The following ZNF442 variants were observed in gnomAD, a reference collection of about 807,000 sequenced individuals.
ZNF442 encodes zinc finger protein 442.
A neutral mutation model predicts 57.0 loss-of-function variants in ZNF442; 45 were observed. The observed-to-expected ratio is 0.79, with a 90% CI of 0.62 to 1.01. The LOEUF is 1.01. ZNF442 is among the 50% of genes least tolerant of loss of function. The probability of loss-of-function intolerance (pLI) is 0.00; values close to 1 mark genes in which losing one functional copy is unlikely to be tolerated. For synonymous variants in ZNF442, 213 were observed against 241.8 expected (o/e 0.88, Z 1.10); for missense variants, 690 against 756.5 (o/e 0.91, Z 1.03).
At chr19:12,353,290 G>A (rs1270499345) in intron 3 of ZNF442, among the ~76,000 whole-genome samples, 176 bp from the exon 4 acceptor site, 1 of 152,210 alleles carries the variant, frequency 6.6e-6, no homozygotes, top group African/African-American at 2.4e-5. Context: ...TCTGATGCTA[G>A]AATTGAATGT....
chr19:12,352,753 T>C (rs1969263637), intron 4 of ZNF442, among the ~76,000 whole-genome samples: 1 of 152,220 alleles, frequency 6.6e-6, no homozygotes, highest in African/African-American at 2.4e-5. Context: ...ACAACATATG[T>C]GTTAATTGAT....
At position 12,346,574 on chromosome 19, in the gene ZNF442, A is replaced by G. The variant is rs1969133541; in HGVS notation, c.*3127T>C. On this transcript the variant is annotated 3_prime_UTR_variant, in exon 6 of 6. Transcript: ENST00000242804. Reference sequence around the variant, plus strand: ...ACACCAATTATTCTGTGAACCAGCAATTACACTCCTAGGGATACATATATC... The same window carrying G: ...ACACCAATTATTCTGTGAACCAGCAGTTACACTCCTAGGGATACATATATC... 6.6e-6 allele frequency: 1 copy of G among 152,232 alleles called. No individual in the cohort carries two copies. Among genetic ancestry groups the G allele is most frequent in the Admixed American group, 6.5e-5 (1 of 15,282 alleles). 9.4% of individuals were successfully genotyped at this position (152,232 alleles called of 1,614,324 possible).
At chr19:12,369,903 TAA>T (rs76338567), upstream of ZNF442, among the ~76,000 whole-genome samples, 3 of 140,458 alleles carry the variant, frequency 2.1e-5, no homozygotes, top group Non-Finnish European at 1.6e-5. Flanking sequence ...AGACTCCATC[TAA>T]AAAAAAAAAA....
chr19:12,368,778 C>G (rs1253617653), upstream of ZNF442, among the ~76,000 whole-genome samples: 12 of 152,000 alleles, frequency 7.9e-5, no homozygotes, highest in Non-Finnish European at 8.8e-5. Flanking sequence ...CTTATCACAA[C>G]TCATTATTAT....
Position 12,350,847 on chromosome 19 carries a change from G to A in ZNF442, c.738C>T (p.Phe246=), listed in dbSNP as rs748679734. 6 of 1,612,932 alleles carry A rather than the reference G, an allele frequency of 3.7e-6. No homozygotes were observed. Among genetic ancestry groups the A allele is most frequent in the South Asian group, 3.3e-5 (3 of 91,016 alleles). The change falls in exon 6 of 6, where the codon TTC becomes TTT. Residue 246 remains phenylalanine (F), a synonymous_variant. Coordinates refer to ENST00000242804, the MANE Select transcript of ZNF442 (RefSeq NM_030824.3). ...PYECKQCCKA[F]PIYSSYLRHE... ...GTCTTAGATAGGAACTGTAAATAGG[G>A]AAGGCTTTACAACACTGCTTACATT...
At chr19:12,367,815 C>T (rs185325783), upstream of ZNF442, among the ~76,000 whole-genome samples, 62 of 152,176 alleles carry the variant, frequency 4.1e-4, no homozygotes, top group South Asian at 2.1e-3. Flanking sequence ...ACTACAGGCG[C>T]GTGCCACCAT....
In ZNF442 at chr19:12,350,945, A is replaced by G; in HGVS notation, c.640T>C (p.Cys214Arg). ...CTAGGCCAAAAAAAGGCTTTCCCAC[A>G]CAACTTACATATATAAGGTCCACCT... Reference protein sequence around the residue: ...RGGGPYICKLCGKAFFWPSLF... With the variant: ...RGGGPYICKLRGKAFFWPSLF... Residue 214 changes from cysteine to arginine, a missense_variant, in exon 6 of 6, where the codon TGT (cysteine) becomes CGT (arginine). Physicochemically the swap from Cys to Arg is radical, Grantham distance 180. Transcript: ENST00000242804. The G allele has an allele frequency of 6.2e-7, 1 of 1,614,190 alleles. No homozygotes were observed.
rs2145833384 is a variant in ZNF442, at chr19:12,350,144, T to C, written c.1441A>G (p.Thr481Ala). 2 of 1,614,084 alleles carry C rather than the reference T, an allele frequency of 1.2e-6. No homozygotes were observed. Among genetic ancestry groups the C allele is most frequent in the Non-Finnish European group, 1.7e-6 (2 of 1,179,992 alleles). The change falls in exon 6 of 6, where the codon ACT (threonine) becomes GCT (alanine). Residue 481 changes from threonine (T) to alanine (A), a missense_variant. Thr to Ala is a moderately conservative substitution (Grantham distance 58). Transcript: ENST00000242804. The part of the protein sequence containing the change: ...DFYSFQNHET[T>A]HTGEKPYECK... ...TCATATGGCTTCTCTCCAGTGTGAG[T>C]TGTTTCATGATTTTGAAAGGAATAG...
the ZNF442 span, among the ~76,000 whole-genome samples, chr19:12,373,262 G>A: frequency 1.3e-5 from 2 of 152,104 alleles, no homozygotes; most frequent in African/African-American, 4.8e-5. Flanking sequence ...TAGGCTGGAC[G>A]CAGTGAGTGG....
At chr19:12,366,441 A>AC (rs1313433736), upstream of ZNF442, among the ~76,000 whole-genome samples, 2 of 151,918 alleles carry the variant, frequency 1.3e-5, no homozygotes, top group Non-Finnish European at 2.9e-5. Flanking sequence ...TGAGTCTCAA[A>AC]CCACGTTTTA....
At position 12,347,614 on chromosome 19, in the gene ZNF442, G is replaced by A. The variant is rs938730642; in HGVS notation, c.*2087C>T. On this transcript the variant is annotated 3_prime_UTR_variant, in exon 6 of 6. Transcript: ENST00000242804. ...CACCTGGCCAAAACTGAAAATGTCA[G>A]CCCCGCCCATAACTTCAACAGAGAA... 4.6e-5 allele frequency: 7 copies of A among 152,234 alleles called. No individual in the cohort carries two copies. The highest frequency in any genetic ancestry group is 1.7e-4 in the African/African-American group (7 of 41,448). The allele number at this position is 152,234 out of a possible 1,614,324, so 9.4% of individuals were successfully genotyped here.
At chr19:12,367,171 G>A (rs1010165882), upstream of ZNF442, among the ~76,000 whole-genome samples, 6 of 151,994 alleles carry the variant, frequency 3.9e-5, no homozygotes, top group Non-Finnish European at 5.9e-5. Flanking sequence ...CCTAAGTGTC[G>A]GCCCATCTGA....
Position 12,350,525 on chromosome 19 carries a change from A to G in ZNF442, c.1060T>C (p.Cys354Arg). 1.2e-6 allele frequency: 2 copies of G among 1,614,024 alleles called. No homozygotes were observed. Among genetic ancestry groups the G allele is most frequent in the Non-Finnish European group, 1.7e-6 (2 of 1,179,988 alleles). ...TGDGPHKCKI[C>R]GKGFDCPSSL... ...CTAGGACAATCAAAGCCTTTCCCAC[A>G]TATCTTACATTTATGAGGTCCATCT... Residue 354 changes from cysteine (C) to arginine (R), a missense_variant, in exon 6 of 6, where the codon TGT becomes CGT. Transcript: ENST00000242804.
At chr19:12,370,155 G>A (rs1260645917), upstream of ZNF442, among the ~76,000 whole-genome samples, 1 of 151,420 alleles carries the variant, frequency 6.6e-6, no homozygotes, top group African/African-American at 2.4e-5. Flanking sequence ...TGTACAGCTC[G>A]CCATACTATA....
rs115918278 is a variant in ZNF442, at chr19:12,355,832, G to A, written c.79-2718C>T. 9.3e-3 allele frequency among the ~76,000 whole-genome samples: 1,411 copies of A among 152,060 alleles called. 16 individuals are homozygous for A. The highest frequency in any genetic ancestry group is 0.03 in the African/African-American group (1,230 of 41,512). ...AAAATACAAAAATTTGTCCAGGAGTGGGGGTACATGCCTGTAGTCCCAGCT... is the reference window on the plus strand; with the variant it reads ...AAAATACAAAAATTTGTCCAGGAGTAGGGGTACATGCCTGTAGTCCCAGCT... On this transcript the variant is annotated intron_variant, in intron 3 of 5. Coordinates refer to ENST00000242804, the MANE Select transcript of ZNF442 (RefSeq NM_030824.3).
intron 3 of ZNF442, among the ~76,000 whole-genome samples, chr19:12,357,892 C>T (rs1430640145): frequency 6.6e-6 from 1 of 152,050 alleles, no homozygotes; most frequent in East Asian, 1.9e-4. Flanking sequence ...CTAGAGTCTC[C>T]ACTGACCATC....
In ZNF442 at chr19:12,350,899, C is replaced by A; in HGVS notation, c.686G>T (p.Arg229Ile). The change falls in exon 6 of 6, where the codon AGA (arginine) becomes ATA (isoleucine). Residue 229 changes from arginine (R) to isoleucine (I), a missense_variant. By Grantham distance (97) the Arg-to-Ile change is moderately conservative. Transcript: ENST00000242804. ...FWPSLFRMHE[R>I]THTGEKPYEC... ...ATACGGTTTCTCTCCAGTGTGAGTT[C>A]TTTCATGCATACGAAATAAACTAGG... 1 of 1,614,166 alleles carries A rather than the reference C, an allele frequency of 6.2e-7. No homozygotes were observed. The highest frequency in any genetic ancestry group is 8.5e-7 in the Non-Finnish European group (1 of 1,180,016).
At position 12,352,996 on chromosome 19, in the gene ZNF442, T is replaced by C; in HGVS notation, c.197A>G (p.Asp66Gly). The C allele has an allele frequency of 6.2e-7, 1 of 1,608,392 alleles. No individual in the cohort carries two copies. The highest frequency in any genetic ancestry group is 8.5e-7 in the Non-Finnish European group (1 of 1,178,560). ...CATAATGTCATTTTTACCTATACAG[T>C]CCAGGTTCCTAATGGTTTCCCACAT... ...DVMWETIRNL[D>G]CIGMKWEDTN... is the part of the protein sequence containing the mutation. The change falls in exon 4 of 6, where the codon GAC becomes GGC. Residue 66 changes from aspartate to glycine, a missense_variant. Coordinates refer to ENST00000242804, the MANE Select transcript of ZNF442 (RefSeq NM_030824.3).
intron 3 of ZNF442, among the ~76,000 whole-genome samples, chr19:12,360,094 A>T (rs1969398519): frequency 6.6e-6 from 1 of 152,106 alleles, no homozygotes; most frequent in African/African-American, 2.4e-5. Flanking sequence ...AACCTTAGAG[A>T]TGCCTCAGAT....
Sources: gnomAD v4.1 joint callset for allele counts (sites outside exome capture counted in the v4.1 genomes callset) on GRCh38, gnomAD v4.1.1 for gene constraint, MANE v1.5 for transcripts, NCBI Gene and HGNC (gene_info 2026-07-23, HGNC 2026-07-21) for gene names.